Variants in PCSK4 observed in about 807,000 individuals in gnomAD.
The protein encoded by PCSK4 is testicular tissue protein Li 135.
Under a neutral mutation model 80.3 loss-of-function variants are expected in PCSK4, and 64 were observed. The ratio of observed to expected loss-of-function variants is 0.80; its 90% CI spans 0.65 to 0.98. The LOEUF is 0.98. PCSK4 is among the 50% of genes least tolerant of loss of function. The pLI, the probability that PCSK4 is intolerant of heterozygous loss-of-function variation, is 0.00. For synonymous variants in PCSK4, 561 were observed against 487.6 expected, an observed-to-expected ratio of 1.15 and a Z score of -1.98; for missense variants, 1,213 against 1,093.6, an observed-to-expected ratio of 1.11 and a Z score of -1.54.
chr19:1,489,879 A>C lies in PCSK4; in HGVS notation c.208T>G (p.Tyr70Asp), dbSNP rs1028986856. 4 of 1,609,542 alleles carry C rather than the reference A, an allele frequency of 2.5e-6. No homozygotes were observed. In the East Asian group the frequency reaches 6.7e-5, roughly 27 times the overall value. ...ACGCCCCGGTGCCGCAGGTGAAAGT[A>C]CTGCCCGTCAGGGAAGATCTGGGGA... Residue 70 changes from tyrosine to aspartate, a missense_variant, in exon 2 of 15, where the codon TAC (tyrosine) becomes GAC (aspartate). Physicochemically the swap from Tyr to Asp is radical, Grantham distance 160 (BLOSUM62 -3). Transcript: ENST00000300954.
chr19:1,481,844 G>A (rs1599189054), exon 15 of PCSK4: 5 of 1,570,994 alleles, frequency 3.2e-6, no homozygotes, highest in Middle Eastern at 1.7e-4. Context: ...GAGGTCCATG[G>A]ACATGCCGCA....
At position 1,484,013 on chromosome 19, in the gene PCSK4, C is replaced by G; in HGVS notation, c.1169+14G>C. ...GGGGGCGAGGGCGGTGGACCGGGCC[C>G]CGCAGTCACCTACTTGGCCTCCAGC... is the stretch of plus-strand genomic sequence containing the variant. On this transcript the variant is annotated intron_variant, in intron 9 of 14. Coordinates refer to ENST00000300954, the Ensembl canonical transcript of PCSK4. 9 of 1,528,592 alleles carry G rather than the reference C, an allele frequency of 5.9e-6. No individual in the cohort carries two copies. Among genetic ancestry groups the G allele is most frequent in the Non-Finnish European group, 7.9e-6 (9 of 1,139,488 alleles). 94.7% of individuals were successfully genotyped at this position (1,528,592 alleles called of 1,614,324 possible). A position where few individuals can be genotyped will look rare whatever the true frequency, so the allele number is the denominator to read the frequency against.
chr19:1,482,391 C>A lies in PCSK4; in HGVS notation c.1781G>T (p.Ser594Ile), dbSNP rs527986148. ...CTCTGTGTCCCGCTGCACACACGCG[C>A]TGCTGGTCACCTGGGGGCCTGTAGG... Residue 594 changes from serine (S) to isoleucine (I), a missense_variant, in exon 14 of 15, where the codon AGC becomes ATC. Coordinates refer to ENST00000300954, the Ensembl canonical transcript of PCSK4. The A allele has an allele frequency of 4.4e-6, 7 of 1,577,424 alleles. No homozygotes were observed. In the Admixed American group the frequency reaches 1.3e-4, roughly 28 times the overall value.
intron 8 of PCSK4, among the ~76,000 whole-genome samples, chr19:1,484,616 G>C (rs1258875158): frequency 6.6e-6 from 1 of 150,578 alleles, no homozygotes; most frequent in South Asian, 2.1e-4. Context: ...TCAGGAGTTC[G>C]AGACCAGCCT....
exon 12 of PCSK4, chr19:1,483,310 G>A: frequency 1.2e-6 from 2 of 1,606,844 alleles, no homozygotes; most frequent in East Asian, 2.2e-5. Context: ...TGGAGCGCGT[G>A]CCCATGGGGC....
chr19:1,489,877 G>T lies in PCSK4; in HGVS notation c.210C>A (p.Tyr70Ter). 6.2e-7 allele frequency: 1 copy of T among 1,609,740 alleles called. No individual in the cohort carries two copies. The highest frequency in any genetic ancestry group is 8.5e-7 in the Non-Finnish European group (1 of 1,178,476). Residue 70 changes from tyrosine (Y) to a stop codon, truncating the protein, a stop_gained, in exon 2 of 15, where the codon TAC becomes TAA. Transcript: ENST00000300954. LOFTEE classifies it high-confidence loss of function. ...CCACGCCCCGGTGCCGCAGGTGAAA[G>T]TACTGCCCGTCAGGGAAGATCTGGG... is the stretch of plus-strand genomic sequence containing the variant.
At chr19:1,481,458 C>G (rs1480013136) in exon 15 of PCSK4, 2 of 310,236 alleles carry the variant, frequency 6.4e-6, no homozygotes, top group Non-Finnish European at 1.2e-5. Flanking sequence ...TTTGCAAACT[C>G]TGAGGTTGGA....
exon 4 of PCSK4, chr19:1,488,038 A>G (rs1437550335): frequency 1.2e-6 from 2 of 1,613,268 alleles, no homozygotes; most frequent in Non-Finnish European, 1.7e-6. Flanking sequence ...CCCTGGCCTG[A>G]CAGCCCCTGA....
chr19:1,487,258 G>A lies in PCSK4; in HGVS notation c.738C>T (p.Ser246=), dbSNP rs1338415359. 3 of 1,603,578 alleles carry A rather than the reference G, an allele frequency of 1.9e-6. No homozygotes were observed. In the East Asian group the frequency reaches 6.7e-5, roughly 36 times the overall value. ...AAATGTGGATGTGCTGCGGCTGCAG[G>A]CTCAGCGACTGGGCCTCGATGACAT... The change falls in exon 7 of 15, where the codon AGC becomes AGT. Residue 246 remains serine, a synonymous_variant. Transcript: ENST00000300954.
chr19:1,483,389 A>C, exon 12 of PCSK4: 1 of 1,605,940 alleles, frequency 6.2e-7, no homozygotes, highest in South Asian at 1.1e-5. Flanking sequence ...CACGTGCTCC[A>C]GCGAGCGGAT....
exon 1 of PCSK4, chr19:1,490,190 C>A: frequency 6.2e-7 from 1 of 1,613,666 alleles, no homozygotes; most frequent in Non-Finnish European, 8.5e-7. Context: ...AATTTGCGTG[C>A]CAGGCGCTCG....
intron 2 of PCSK4, among the ~76,000 whole-genome samples, chr19:1,489,422 C>A (rs910608202): frequency 6.4e-4 from 97 of 152,212 alleles, no homozygotes; most frequent in Non-Finnish European, 8.2e-4. Context: ...GCGTGAGCCA[C>A]CGCGCCGGGC....
At chr19:1,489,767 G>T (rs79975727) in intron 2 of PCSK4, 26 bp downstream of exon 2, 64,036 of 1,591,696 alleles carry the variant, frequency 0.04, 2,145 homozygotes, top group African/African-American at 0.17. Flanking sequence ...CCCCGGGCAG[G>T]GGGTTGGCCT....
intron 4 of PCSK4, 37 bp downstream of exon 4, chr19:1,487,927 T>C (rs558186807): frequency 6.3e-7 from 1 of 1,590,420 alleles, no homozygotes; most frequent in African/African-American, 1.3e-5. Flanking sequence ...CCTCGGCACC[T>C]GGGGCAGCCC....
exon 12 of PCSK4, chr19:1,483,313 C>T (rs747088863): frequency 6.2e-7 from 1 of 1,607,608 alleles, no homozygotes; most frequent in South Asian, 1.1e-5. Context: ...AGCGCGTGCC[C>T]ATGGGGCTGG....
At chr19:1,483,994 G>C (rs1011252816) in intron 9 of PCSK4, 33 bp downstream of exon 9, 6 of 1,493,552 alleles carry the variant, frequency 4.0e-6, no homozygotes, top group African/African-American at 2.9e-5. Context: ...GCCTGGGGGC[G>C]AGGGCGGTGG....
chr19:1,490,109 T>C (rs755224721), intron 1 of PCSK4, 49 bp downstream of exon 1: 53 of 1,606,222 alleles, frequency 3.3e-5, no homozygotes, highest in Admixed American at 6.8e-5. Context: ...TCTAGGGTTG[T>C]TCAGTCCCCT....
At chr19:1,487,465 C>A (rs565557051) in intron 6 of PCSK4, 138 bp downstream of exon 6, 5 of 1,003,856 alleles carry the variant, frequency 5.0e-6, no homozygotes, top group Non-Finnish European at 7.3e-6. Flanking sequence ...TCAGCACCCC[C>A]CAAGCCCTGG....
exon 13 of PCSK4, chr19:1,482,988 T>C (rs1391507067): frequency 5.0e-6 from 8 of 1,603,956 alleles, no homozygotes; most frequent in Admixed American, 1.7e-5. Context: ...GAAGACCCAG[T>C]TGTTGTAGCC....
Sources: gnomAD v4.1 joint callset for allele counts (sites outside exome capture counted in the v4.1 genomes callset) on GRCh38, gnomAD v4.1.1 for gene constraint, MANE v1.5 for transcripts, NCBI Gene and HGNC (gene_info 2026-07-23, HGNC 2026-07-21) for gene names.